The following DENND5B variants were observed in gnomAD, a reference collection of about 807,000 sequenced individuals.
DENND5B encodes the protein DENN domain containing 5B.
A neutral mutation model predicts 140.6 loss-of-function variants in DENND5B; 34 were observed. The ratio of observed to expected loss-of-function variants is 0.24; its 90% CI spans 0.18 to 0.32. DENND5B has a LOEUF of 0.32. DENND5B is among the 10% of genes least tolerant of loss of function. The pLI is 1.00. For missense variants in DENND5B, 1,142 were observed against 1,560.2 expected (o/e 0.73, Z 4.52); for synonymous variants, 551 against 562.1 (o/e 0.98, Z 0.28).
intron 2 of DENND5B, among the ~76,000 whole-genome samples, chr12:31,487,187 T>C (rs189251149): frequency 2.6e-5 from 4 of 152,342 alleles, no homozygotes; most frequent in African/African-American, 9.6e-5. Context: ...TTCTTTTACA[T>C]ATTAAATTAC....
chr12:31,567,296 T>C (rs2139370300), intron 1 of DENND5B, among the ~76,000 whole-genome samples: 1 of 145,026 alleles, frequency 6.9e-6, no homozygotes, highest in African/African-American at 2.6e-5. Flanking sequence ...CCAGCCTGTG[T>C]GCCAGAGCAA....
At chr12:31,517,040 C>T (rs749207246) in intron 1 of DENND5B, among the ~76,000 whole-genome samples, 3 of 152,090 alleles carry the variant, frequency 2.0e-5, no homozygotes, top group African/African-American at 2.4e-5. Flanking sequence ...CAAATGTTAA[C>T]ACTTTGCTAT....
chr12:31,408,971 G>C (rs1242617825), intron 14 of DENND5B, among the ~76,000 whole-genome samples: 1 of 152,164 alleles, frequency 6.6e-6, no homozygotes, highest in Non-Finnish European at 1.5e-5. Context: ...TAACCCCCAT[G>C]GTGAGCTCCG....
In DENND5B at chr12:31,590,769, C is replaced by T; in HGVS notation, c.64G>A (p.Ala22Thr). The change falls in exon 1 of 21, where the codon GCG becomes ACG. Residue 22 changes from alanine (A) to threonine (T), a missense_variant. Physicochemically the swap from Ala to Thr is moderately conservative, Grantham distance 58. Transcript: ENST00000389082. ...SGSSPAACRF[A>T]HYFVLCGIDA... Reference sequence around the variant, plus strand: ...ATCCCGCACAGCACGAAGTAGTGCGCGAAGCGGCAGGCGGCCGGGGAGGAG... The same window carrying T: ...ATCCCGCACAGCACGAAGTAGTGCGTGAAGCGGCAGGCGGCCGGGGAGGAG... 3 of 1,393,452 alleles carry T rather than the reference C, an allele frequency of 2.2e-6. No individual in the cohort carries two copies. Among genetic ancestry groups the T allele is most frequent in the Non-Finnish European group, 2.8e-6 (3 of 1,072,836 alleles). 86.3% of individuals were successfully genotyped at this position (1,393,452 alleles called of 1,614,324 possible).
At chr12:31,480,778 A>T (rs1321706350) in intron 2 of DENND5B, among the ~76,000 whole-genome samples, 2 of 152,238 alleles carry the variant, frequency 1.3e-5, no homozygotes, top group South Asian at 2.1e-4. Context: ...CAACAGTGTC[A>T]TCTTTGCTAT....
At chr12:31,425,225 T>G (rs766595105) in intron 9 of DENND5B, among the ~76,000 whole-genome samples, 1 of 152,156 alleles carries the variant, frequency 6.6e-6, no homozygotes, top group Non-Finnish European at 1.5e-5. Context: ...GGCAGAAGAA[T>G]TGCTTGAACC....
intron 7 of DENND5B, among the ~76,000 whole-genome samples, chr12:31,437,310 A>AT (rs1943820900): frequency 6.6e-6 from 1 of 151,832 alleles, no homozygotes. Flanking sequence ...AATTTTTTGT[A>AT]TTTTTAGTAG....
At chr12:31,524,348 A>G (rs1948010103) in intron 1 of DENND5B, among the ~76,000 whole-genome samples, 1 of 152,136 alleles carries the variant, frequency 6.6e-6, no homozygotes, top group Non-Finnish European at 1.5e-5. Context: ...TCTATCTTAG[A>G]ATTCATTTAA....
chr12:31,442,660 T>C, intron 7 of DENND5B, 115 bp downstream of exon 7: 1 of 1,116,792 alleles, frequency 9.0e-7, no homozygotes, highest in Non-Finnish European at 1.2e-6. Flanking sequence ...AATGTGGTCA[T>C]GAAAAAAGTA....
chr12:31,495,379 C>CTTTCTTTTTCT (rs1433968796), intron 2 of DENND5B, among the ~76,000 whole-genome samples: 53 of 63,554 alleles, frequency 8.3e-4, no homozygotes, highest in Non-Finnish European at 1.5e-3. Context: ...TATCACATTT[C>CTTTCTTTTTCT]TTTTTTTTTC....
intron 1 of DENND5B, among the ~76,000 whole-genome samples, chr12:31,501,695 C>T (rs1025958276): frequency 6.6e-6 from 1 of 151,322 alleles, no homozygotes; most frequent in Non-Finnish European, 1.5e-5. Context: ...ATTGCCTGAA[C>T]CCGGGAGGTG....
chr12:31,455,740 G>A (rs1944741882), intron 4 of DENND5B, among the ~76,000 whole-genome samples: 1 of 152,138 alleles, frequency 6.6e-6, no homozygotes, highest in Admixed American at 6.5e-5. Flanking sequence ...AACAAAAGTG[G>A]GCTGGGCATG....
chr12:31,390,450 C>A (rs1032499206), intron 19 of DENND5B, among the ~76,000 whole-genome samples: 6 of 151,760 alleles, frequency 4.0e-5, no homozygotes, highest in Admixed American at 3.9e-4. Flanking sequence ...ACCAGCCTAG[C>A]CAGCATGGTG....
intron 1 of DENND5B, among the ~76,000 whole-genome samples, chr12:31,560,428 A>C (rs1247892153): frequency 2.0e-5 from 3 of 152,048 alleles, no homozygotes; most frequent in African/African-American, 7.3e-5. Context: ...AATTGACTAC[A>C]TCTCACTATC....
intron 6 of DENND5B, among the ~76,000 whole-genome samples, chr12:31,445,067 C>T (rs1236299805): frequency 6.6e-6 from 1 of 152,150 alleles, no homozygotes; most frequent in East Asian, 1.9e-4. Flanking sequence ...TTGCTGCCTC[C>T]TTTTTCTCCA....
At chr12:31,547,344 T>A (rs1285722864) in intron 1 of DENND5B, among the ~76,000 whole-genome samples, 1 of 152,228 alleles carries the variant, frequency 6.6e-6, no homozygotes, top group African/African-American at 2.4e-5. Flanking sequence ...GGCATTGAAG[T>A]ATTTTAAAAG....
chr12:31,401,118 C>T (rs1012942323), intron 15 of DENND5B, among the ~76,000 whole-genome samples: 8 of 152,292 alleles, frequency 5.3e-5, no homozygotes, highest in Admixed American at 2.6e-4. Context: ...GCTGGGATTA[C>T]AGGCGTGAGC....
At chr12:31,575,051 A>G (rs972754958) in intron 1 of DENND5B, among the ~76,000 whole-genome samples, 1 of 152,224 alleles carries the variant, frequency 6.6e-6, no homozygotes, top group African/African-American at 2.4e-5. Context: ...ATTTTCCTCG[A>G]GCTGAGCAAG....
In DENND5B at chr12:31,442,656, G is replaced by A. The variant is rs1944087755; in HGVS notation, c.2012+119C>T. 4 of 1,023,640 alleles carry A rather than the reference G, an allele frequency of 3.9e-6. No homozygotes were observed. The East Asian group carries it at 1.1e-4, about 29-fold the overall frequency. 63.4% of individuals were successfully genotyped at this position (1,023,640 alleles called of 1,614,324 possible). On this transcript the variant is annotated intron_variant, in intron 7 of 20. Coordinates refer to ENST00000389082, the MANE Select transcript of DENND5B (RefSeq NM_144973.4). ...TCCATATTTCAAATGCATTAATGTG[G>A]TCATGAAAAAAGTAATCAGATAGAT...
Sources: allele counts gnomAD v4.1 joint callset (sites outside exome capture counted in the v4.1 genomes callset), GRCh38; gene constraint gnomAD v4.1.1; transcripts MANE v1.5; gene names NCBI Gene and HGNC (gene_info 2026-07-23, HGNC 2026-07-21).